The following CARMIL1 variants were observed in gnomAD, a reference collection of about 807,000 sequenced individuals.
CARMIL1 encodes the protein capping protein regulator and myosin 1 linker 1.
A neutral mutation model predicts 177.1 loss-of-function variants in CARMIL1; 90 were observed. That is an observed-to-expected ratio of 0.51 (90% CI 0.43 to 0.61). The LOEUF (loss-of-function observed/expected upper bound fraction) is 0.61, where lower values mean the gene tolerates loss of function less well. CARMIL1 is among the 20% of genes least tolerant of loss of function. The probability of loss-of-function intolerance (pLI) is 0.00; values close to 1 mark genes in which losing one functional copy is unlikely to be tolerated. For synonymous variants in CARMIL1, 577 were observed against 606.2 expected, an observed-to-expected ratio of 0.95 and a Z score of 0.71; for missense variants, 1,380 against 1,667.0, an observed-to-expected ratio of 0.83 and a Z score of 3.00.
At chr6:25,468,221 A>G (rs528551006) in intron 9 of CARMIL1, among the ~76,000 whole-genome samples, 11 of 152,062 alleles carry the variant, frequency 7.2e-5, no homozygotes, top group Non-Finnish European at 1.3e-4. Context: ...AATGGTACCG[A>G]ATATGCAATT....
intron 10 of CARMIL1, 57 bp downstream of exon 10, chr6:25,471,314 C>T: frequency 1.7e-6 from 2 of 1,201,880 alleles, no homozygotes; most frequent in Non-Finnish European, 1.2e-6. Context: ...GCCATTTGCT[C>T]TTCTAATTAA....
At chr6:25,508,330 C>T (rs1021001551) in intron 17 of CARMIL1, among the ~76,000 whole-genome samples, 1 of 152,162 alleles carries the variant, frequency 6.6e-6, no homozygotes, top group Non-Finnish European at 1.5e-5. Flanking sequence ...GTATGTAGAC[C>T]AGTCCCTTGG....
chr6:25,539,656 A>C (rs1375126918), intron 25 of CARMIL1, among the ~76,000 whole-genome samples: 1 of 145,060 alleles, frequency 6.9e-6, no homozygotes, highest in Non-Finnish European at 1.5e-5. Flanking sequence ...AAAAAAAGAC[A>C]TGAGGAGGTA....
At chr6:25,390,320 AT>A (rs1287414586) in intron 2 of CARMIL1, among the ~76,000 whole-genome samples, 837 of 57,952 alleles carry the variant, frequency 0.014, 7 homozygotes, top group East Asian at 0.035. Context: ...ATATATATAT[AT>A]TTTTTTTTTT....
At chr6:25,551,666 T>G (rs1458928586) in intron 27 of CARMIL1, among the ~76,000 whole-genome samples, 1 of 152,238 alleles carries the variant, frequency 6.6e-6, no homozygotes, top group East Asian at 1.9e-4. Context: ...TGAATTTTTA[T>G]GTAGAGACTC....
intron 2 of CARMIL1, among the ~76,000 whole-genome samples, chr6:25,387,258 T>C (rs9461151): frequency 0.098 from 14,908 of 152,280 alleles, 768 homozygotes; most frequent in Middle Eastern, 0.11. Context: ...TTTATAGTTA[T>C]AGGTCTACAT....
At chr6:25,311,541 G>T (rs1333811167) in intron 2 of CARMIL1, among the ~76,000 whole-genome samples, 2 of 97,698 alleles carry the variant, frequency 2.0e-5, no homozygotes, top group East Asian at 5.4e-4. Context: ...TATATAGAGC[G>T]GGGGAAAAAA....
intron 20 of CARMIL1, among the ~76,000 whole-genome samples, chr6:25,511,595 A>G (rs1219883079): frequency 6.6e-6 from 1 of 152,186 alleles, no homozygotes; most frequent in Non-Finnish European, 1.5e-5. Flanking sequence ...CATGAGGATG[A>G]TTTTTATATT....
At chr6:25,324,861 C>G (rs1784947211) in intron 2 of CARMIL1, among the ~76,000 whole-genome samples, 1 of 152,004 alleles carries the variant, frequency 6.6e-6, no homozygotes, top group Admixed American at 6.6e-5. Context: ...AATGTAGACC[C>G]TAATGTGGAA....
At chr6:25,538,702 A>G (rs954818043) in intron 25 of CARMIL1, among the ~76,000 whole-genome samples, 2 of 152,156 alleles carry the variant, frequency 1.3e-5, no homozygotes, top group Non-Finnish European at 2.9e-5. Context: ...TTATTAATAA[A>G]AAGCCCCTCT....
At chr6:25,586,682 C>T (rs1252626118) in intron 31 of CARMIL1, among the ~76,000 whole-genome samples, 8 of 152,150 alleles carry the variant, frequency 5.3e-5, no homozygotes, top group Admixed American at 2.6e-4. Flanking sequence ...ATTGAGTGAG[C>T]GAGACTCCGT....
intron 8 of CARMIL1, chr6:25,452,027 T>C (rs1204347069): frequency 6.4e-6 from 3 of 468,946 alleles, no homozygotes; most frequent in East Asian, 5.6e-5. Context: ...TGAATTATTT[T>C]TCCACCTACC....
chr6:25,295,494 G>A (rs531883660), intron 2 of CARMIL1, among the ~76,000 whole-genome samples: 1 of 152,106 alleles, frequency 6.6e-6, no homozygotes, highest in East Asian at 1.9e-4. Flanking sequence ...TTGCCTAATA[G>A]GCATTTTGAA....
chr6:25,572,104 A>G (rs1339880147), intron 29 of CARMIL1, among the ~76,000 whole-genome samples: 1 of 152,186 alleles, frequency 6.6e-6, no homozygotes, highest in African/African-American at 2.4e-5. Flanking sequence ...ATATAGGAAA[A>G]TATGATTCTT....
At chr6:25,572,685 A>G (rs1380082757) in intron 29 of CARMIL1, among the ~76,000 whole-genome samples, 3 of 140,792 alleles carry the variant, frequency 2.1e-5, no homozygotes, top group Non-Finnish European at 4.6e-5. Flanking sequence ...ACTAGGTGAT[A>G]GAGCCAGACC....
chr6:25,577,119 C>T lies in CARMIL1; in HGVS notation c.2743-3805C>T, dbSNP rs996674959. 7.9e-5 allele frequency: 78 copies of T among 985,186 alleles called. No homozygotes were observed. The highest frequency in any genetic ancestry group is 9.0e-5 in the Non-Finnish European group (75 of 829,928). 61.0% of individuals were successfully genotyped at this position (985,186 alleles called of 1,614,324 possible). The stretch of plus-strand genomic sequence containing the variant: ...TAGTGTTGTCATCCATCTGCAGATC[C>T]TGAATGAAATAGGCAACAATTTAGA... On this transcript the variant is annotated intron_variant, in intron 29 of 36. Transcript: ENST00000329474. The surrounding 1 kb of genome is among the most constrained non-coding windows in gnomAD (Gnocchi z 4.5).
chr6:25,450,245 A>G, intron 6 of CARMIL1, 94 bp from the exon 7 acceptor site: 1 of 881,234 alleles, frequency 1.1e-6, no homozygotes, highest in Non-Finnish European at 1.8e-6. Context: ...AAGGATAATC[A>G]GCATTGTCAA....
chr6:25,282,406 A>G (rs1581433725), intron 1 of CARMIL1, among the ~76,000 whole-genome samples: 1 of 152,270 alleles, frequency 6.6e-6, no homozygotes, highest in East Asian at 1.9e-4. Context: ...GCTCTTCTAC[A>G]TGTTCCCTTG....
At chr6:25,591,322 C>G (rs761390892) in intron 31 of CARMIL1, among the ~76,000 whole-genome samples, 1 of 152,216 alleles carries the variant, frequency 6.6e-6, no homozygotes, top group African/African-American at 2.4e-5. Flanking sequence ...CACGAGTTAT[C>G]CTTTTAGCAC....
Sources: gnomAD v4.1 joint callset for allele counts (sites outside exome capture counted in the v4.1 genomes callset) on GRCh38, gnomAD v4.1.1 for gene constraint, Gnocchi (gnomAD v3.1) non-coding constraint, MANE v1.5 for transcripts, NCBI Gene and HGNC (gene_info 2026-07-23, HGNC 2026-07-21) for gene names.